Variants in CADM2 observed in about 807,000 individuals in gnomAD.
The protein encoded by CADM2 is cell adhesion molecule 2, also known as immunoglobulin superfamily member 4D.
A neutral mutation model predicts 49.8 loss-of-function variants in CADM2; 12 were observed. That is an observed-to-expected ratio of 0.24 (90% confidence interval 0.15 to 0.39). The LOEUF (loss-of-function observed/expected upper bound fraction) is 0.39. CADM2 is among the 10% of genes least tolerant of loss of function. The pLI, the probability that CADM2 is intolerant of heterozygous loss-of-function variation, is 1.00. For synonymous variants in CADM2, 214 were observed against 175.4 expected, an observed-to-expected ratio of 1.22 and a Z score of -1.74; for missense variants, 378 against 492.3, an observed-to-expected ratio of 0.77 and a Z score of 2.20.
chr3:85,957,452 G>A (rs116304286), intron 7 of CADM2, among the ~76,000 whole-genome samples: 2,034 of 151,284 alleles, frequency 0.013, 26 homozygotes, highest in Non-Finnish European at 0.021. Flanking sequence ...TCTTCCTGAA[G>A]ACAGAAAAAA....
chr3:85,195,277 A>T (rs1485452267), intron 1 of CADM2, among the ~76,000 whole-genome samples: 1 of 152,010 alleles, frequency 6.6e-6, no homozygotes, highest in Non-Finnish European at 1.5e-5. Flanking sequence ...CCAGTTAAAA[A>T]ACTATGTATT....
intron 1 of CADM2, among the ~76,000 whole-genome samples, chr3:85,359,442 G>C (rs2032144286): frequency 6.6e-6 from 1 of 151,054 alleles, no homozygotes; most frequent in Non-Finnish European, 1.5e-5. Context: ...AACATCTGTT[G>C]GAAATCAGGT....
chr3:85,983,215 G>T (rs1021552430), intron 8 of CADM2, among the ~76,000 whole-genome samples: 1 of 151,590 alleles, frequency 6.6e-6, no homozygotes, highest in Non-Finnish European at 1.5e-5. Context: ...GAGAATTTGC[G>T]CAACTCTTCA....
At chr3:85,803,738 G>T (rs2072220977) in intron 3 of CADM2, among the ~76,000 whole-genome samples, 3 of 152,106 alleles carry the variant, frequency 2.0e-5, no homozygotes, top group South Asian at 4.2e-4. Context: ...TCCACTGATT[G>T]AGTGTCTCCT....
intron 6 of CADM2, among the ~76,000 whole-genome samples, chr3:85,914,126 G>T (rs1717976622): frequency 6.6e-6 from 1 of 152,084 alleles, no homozygotes; most frequent in Non-Finnish European, 1.5e-5. Flanking sequence ...ACATTATAAT[G>T]TTTAAATGAT....
chr3:85,257,283 A>G (rs920340407), intron 1 of CADM2, among the ~76,000 whole-genome samples: 3 of 152,116 alleles, frequency 2.0e-5, no homozygotes, highest in African/African-American at 7.2e-5. Context: ...AGGTGAAAAA[A>G]CATCTCAAAA....
chr3:85,175,544 A>G (rs2040757877), intron 1 of CADM2, among the ~76,000 whole-genome samples: 1 of 152,178 alleles, frequency 6.6e-6, no homozygotes, highest in Non-Finnish European at 1.5e-5. Flanking sequence ...TGTTCCTAGC[A>G]TAGCCAAATT....
At chr3:85,251,627 T>G (rs953526076) in intron 1 of CADM2, among the ~76,000 whole-genome samples, 20 of 152,074 alleles carry the variant, frequency 1.3e-4, no homozygotes, top group African/African-American at 4.8e-4. Flanking sequence ...CATCTGAATT[T>G]TCATTCTTTC....
intron 8 of CADM2, among the ~76,000 whole-genome samples, chr3:86,063,694 C>A (rs945098108): frequency 8.5e-5 from 13 of 152,140 alleles, no homozygotes; most frequent in Non-Finnish European, 1.9e-4. Flanking sequence ...TTTGACACAG[C>A]AGTTACATTA....
intron 1 of CADM2, among the ~76,000 whole-genome samples, chr3:85,533,524 T>G (rs1247809417): frequency 1.3e-5 from 2 of 152,204 alleles, no homozygotes; most frequent in Non-Finnish European, 2.9e-5. Flanking sequence ...AAATTTGGCT[T>G]ACACAAACTT....
chr3:85,552,366 G>GTGTTTTTTTTTTTTTT (rs2061828186), intron 1 of CADM2, among the ~76,000 whole-genome samples: 8 of 87,576 alleles, frequency 9.1e-5, no homozygotes, highest in African/African-American at 2.8e-4. Context: ...ACTTTGAAAA[G>GTGTTTTTTTTTTTTTT]TTTTTTTTTT....
At chr3:85,512,484 G>T (rs975723513) in intron 1 of CADM2, among the ~76,000 whole-genome samples, 1 of 151,906 alleles carries the variant, frequency 6.6e-6, no homozygotes. Context: ...TGTTTGTTTT[G>T]TTATGACATC....
intron 1 of CADM2, among the ~76,000 whole-genome samples, chr3:85,585,556 AC>A (rs1326976222): frequency 6.6e-6 from 1 of 152,002 alleles, no homozygotes; most frequent in Non-Finnish European, 1.5e-5. Flanking sequence ...GTATAAAAAA[AC>A]ATAGTATATA....
intron 1 of CADM2, among the ~76,000 whole-genome samples, chr3:85,575,339 C>A (rs1009331080): frequency 3.3e-5 from 5 of 152,164 alleles, no homozygotes; most frequent in Admixed American, 3.3e-4. Flanking sequence ...ATCACAAGGT[C>A]AGGAGATCCA....
At chr3:85,898,553 T>C (rs1366613251) in intron 5 of CADM2, among the ~76,000 whole-genome samples, 1 of 151,494 alleles carries the variant, frequency 6.6e-6, no homozygotes, top group Non-Finnish European at 1.5e-5. Context: ...AAAAGAATCA[T>C]AGGGTCTGTA....
At chr3:85,133,322 G>A (rs535421929) in intron 1 of CADM2, among the ~76,000 whole-genome samples, 1 of 152,198 alleles carries the variant, frequency 6.6e-6, no homozygotes, top group South Asian at 2.1e-4. Context: ...GATTGGTAGA[G>A]CCCAGTGGTC....
At chr3:85,095,952 G>A (rs907851646) in intron 1 of CADM2, among the ~76,000 whole-genome samples, 66 of 151,890 alleles carry the variant, frequency 4.3e-4, no homozygotes, top group Non-Finnish European at 7.4e-4. Flanking sequence ...ATGGATGCTC[G>A]CTGAAGGACT....
chr3:85,718,259 T>A (rs1293676779), intron 1 of CADM2, among the ~76,000 whole-genome samples: 2 of 152,170 alleles, frequency 1.3e-5, no homozygotes, highest in East Asian at 3.9e-4. Context: ...CAGTTATAGA[T>A]TTAGGGTATT....
chr3:86,062,807 T>A (rs1418640831), intron 8 of CADM2, among the ~76,000 whole-genome samples: 1 of 121,144 alleles, frequency 8.3e-6, no homozygotes, highest in Non-Finnish European at 1.7e-5. Flanking sequence ...TGTATTGTTA[T>A]TTTTTTTTTT....
Sources: gnomAD v4.1 joint callset for allele counts (sites outside exome capture counted in the v4.1 genomes callset) on GRCh38, gnomAD v4.1.1 for gene constraint, MANE v1.5 for transcripts, NCBI Gene and HGNC (gene_info 2026-07-23, HGNC 2026-07-21) for gene names.